The following SGCD variants were observed in gnomAD, a reference collection of about 807,000 sequenced individuals.
SGCD encodes delta-sarcoglycan.
In SGCD, 18 loss-of-function variants were observed where a neutral mutation model predicts 36.6. The ratio of observed to expected loss-of-function variants is 0.49; its 90% CI spans 0.34 to 0.73. The LOEUF (loss-of-function observed/expected upper bound fraction) is 0.73, where lower values mean the gene tolerates loss of function less well. Ranked by LOEUF, SGCD falls within the 30% of genes least tolerant of loss-of-function variation. The pLI, the probability that SGCD is intolerant of heterozygous loss-of-function variation, is 0.01. For synonymous variants in SGCD, 133 were observed against 130.6 expected, an observed-to-expected ratio of 1.02 and a Z score of -0.12; for missense variants, 387 against 346.7, an observed-to-expected ratio of 1.12 and a Z score of -0.92.
intron 1 of SGCD, among the ~76,000 whole-genome samples, chr5:156,033,381 C>A (rs988725839): frequency 2.6e-5 from 4 of 152,088 alleles, no homozygotes; most frequent in Non-Finnish European, 1.5e-5. Context: ...TAACCCTCAC[C>A]CTCCTCCCAC....
chr5:156,121,082 T>A, intron 2 of SGCD, among the ~76,000 whole-genome samples: 1 of 152,112 alleles, frequency 6.6e-6, no homozygotes, highest in South Asian at 2.1e-4. Context: ...CAACTGATCC[T>A]GGAGATGGTC....
the SGCD span, chr5:155,845,290 C>G: frequency 6.6e-6 from 1 of 152,094 alleles, no homozygotes; most frequent in South Asian, 2.1e-4. Flanking sequence ...ATTCCAGGTA[C>G]CTGCTGCCTT....
intron 1 of SGCD, among the ~76,000 whole-genome samples, chr5:156,328,467 G>A (rs1318273323): frequency 6.6e-6 from 1 of 152,068 alleles, no homozygotes; most frequent in Non-Finnish European, 1.5e-5. Flanking sequence ...CAACAGGTGT[G>A]CATTTACTTG....
At chr5:155,954,512 C>T (rs1043765143) in intron 1 of SGCD, among the ~76,000 whole-genome samples, 6 of 151,328 alleles carry the variant, frequency 4.0e-5, no homozygotes, top group African/African-American at 1.5e-4. Context: ...TCTTAGCACC[C>T]CATCTGTACA....
intron 1 of SGCD, among the ~76,000 whole-genome samples, chr5:155,975,582 CAT>C (rs1758095156): frequency 8.5e-6 from 1 of 117,284 alleles, no homozygotes; most frequent in African/African-American, 3.2e-5. Context: ...TTCAGAGAAT[CAT>C]GTGTTATTTA....
chr5:155,773,388 C>T, the SGCD span, among the ~76,000 whole-genome samples: 1 of 152,058 alleles, frequency 6.6e-6, no homozygotes, highest in East Asian at 1.9e-4. Context: ...CTATATTGGC[C>T]AGGCTGGTTT....
At chr5:156,382,273 C>T (rs1343337904) in intron 3 of SGCD, among the ~76,000 whole-genome samples, 1 of 152,112 alleles carries the variant, frequency 6.6e-6, no homozygotes, top group African/African-American at 2.4e-5. Flanking sequence ...CCTAAACACT[C>T]CCCTGCTGAA....
intron 3 of SGCD, among the ~76,000 whole-genome samples, chr5:156,173,184 G>T (rs376431268): frequency 1.2e-3 from 190 of 152,136 alleles, no homozygotes; most frequent in African/African-American, 4.4e-3. Context: ...TAGCTAATGT[G>T]AATAGATTTT....
At chr5:156,174,947 T>C (rs1763430006) in intron 3 of SGCD, among the ~76,000 whole-genome samples, 1 of 152,156 alleles carries the variant, frequency 6.6e-6, no homozygotes, top group Admixed American at 6.5e-5. Context: ...CCACTGTCAG[T>C]GGTTTGGGAA....
chr5:156,570,000 C>T (rs890681609), intron 4 of SGCD, among the ~76,000 whole-genome samples: 2 of 151,968 alleles, frequency 1.3e-5, no homozygotes, highest in Non-Finnish European at 2.9e-5. Flanking sequence ...GGATTTTTTT[C>T]CCCCATGAGA....
chr5:156,649,243 A>T (rs1763359368), intron 7 of SGCD, among the ~76,000 whole-genome samples: 2 of 152,170 alleles, frequency 1.3e-5, no homozygotes, highest in African/African-American at 2.4e-5. Context: ...AGAAATAGGA[A>T]CACTTTTACA....
At chr5:156,583,201 T>C (rs1359295702) in intron 4 of SGCD, among the ~76,000 whole-genome samples, 2 of 152,128 alleles carry the variant, frequency 1.3e-5, no homozygotes, top group Non-Finnish European at 2.9e-5. Flanking sequence ...TGCACCCTAA[T>C]ACATCAGACT....
At chr5:155,747,187 ATAAATT>A in the SGCD span, among the ~76,000 whole-genome samples, 295 of 152,362 alleles carry the variant, frequency 1.9e-3, 2 homozygotes, top group African/African-American at 6.6e-3. Flanking sequence ...ATATTCTAAG[ATAAATT>A]TAAAAGGAAA....
At chr5:156,160,831 C>T (rs1045469785) in intron 3 of SGCD, among the ~76,000 whole-genome samples, 1 of 151,594 alleles carries the variant, frequency 6.6e-6, no homozygotes, top group African/African-American at 2.4e-5. Context: ...CTATTCTTGC[C>T]TCTTCCCTTA....
chr5:156,469,770 GA>G, intron 3 of SGCD, among the ~76,000 whole-genome samples: 1 of 152,154 alleles, frequency 6.6e-6, no homozygotes, highest in Non-Finnish European at 1.5e-5. Flanking sequence ...GCTCGCCATC[GA>G]TTTGATTGGG....
At chr5:156,531,816 G>C (rs1156657781) in intron 4 of SGCD, among the ~76,000 whole-genome samples, 3 of 151,952 alleles carry the variant, frequency 2.0e-5, no homozygotes, top group Non-Finnish European at 4.4e-5. Flanking sequence ...CTACGTAAAT[G>C]TATGGACATG....
chr5:156,170,317 A>T (rs187920012), intron 3 of SGCD, among the ~76,000 whole-genome samples: 2 of 152,324 alleles, frequency 1.3e-5, no homozygotes, highest in East Asian at 3.9e-4. Flanking sequence ...CCAGAAAAGG[A>T]ATGATATTAA....
At chr5:156,134,564 T>A (rs1339586589) in intron 3 of SGCD, among the ~76,000 whole-genome samples, 2 of 152,032 alleles carry the variant, frequency 1.3e-5, no homozygotes, top group Admixed American at 1.3e-4. Context: ...CAGCAACAAA[T>A]CTCGAAAACC....
intron 6 of SGCD, among the ~76,000 whole-genome samples, chr5:156,629,020 A>C (rs1189062628): frequency 6.6e-6 from 1 of 152,250 alleles, no homozygotes; most frequent in East Asian, 1.9e-4. Flanking sequence ...GTTCTCGATA[A>C]GTGTAACTAT....
Sources: allele counts gnomAD v4.1 joint callset (sites outside exome capture counted in the v4.1 genomes callset), GRCh38; gene constraint gnomAD v4.1.1; transcripts MANE v1.5; gene names NCBI Gene and HGNC (gene_info 2026-07-23, HGNC 2026-07-21).